The following SLC4A7 variants were observed in gnomAD, a reference collection of about 807,000 sequenced individuals.
SLC4A7 encodes the protein sodium bicarbonate cotransporter 3.
A neutral mutation model predicts 137.6 loss-of-function variants in SLC4A7; 51 were observed. The ratio of observed to expected loss-of-function variants is 0.37; its 90% CI spans 0.30 to 0.47. The LOEUF (loss-of-function observed/expected upper bound fraction) is 0.47, where lower values mean the gene tolerates loss of function less well. Among genes scored for constraint, SLC4A7 ranks in the 20% least tolerant of loss-of-function variants. The pLI is 1.00. For synonymous variants in SLC4A7, 542 were observed against 518.6 expected (o/e 1.05, Z -0.61); for missense variants, 1,247 against 1,525.4 (o/e 0.82, Z 3.04).
chr3:27,380,557 T>A (rs994576527), intron 24 of SLC4A7, among the ~76,000 whole-genome samples: 3 of 152,100 alleles, frequency 2.0e-5, no homozygotes, highest in Non-Finnish European at 4.4e-5. Flanking sequence ...AAGATACAAA[T>A]ACAAATGTCA....
rs959213482 is a variant in SLC4A7, at chr3:27,398,211, T to C, written c.2570A>G (p.Lys857Arg). The change falls in exon 17 of 26, where the codon AAG becomes AGG. Residue 857 changes from lysine to arginine, a missense_variant. Transcript: ENST00000454389. ...LSSFLKQFKT[K>R]RYFPTKVRST... ...AGTTACCTTGGTAGGAAAGTAACGC[T>C]TGGTCTTAAATTGCTTGAGGAATGA... 4.3e-6 allele frequency: 7 copies of C among 1,610,994 alleles called. No individual in the cohort carries two copies. In the Admixed American group the frequency reaches 5.1e-5, roughly 12 times the overall value.
chr3:27,449,643 T>C (rs1472247349), intron 2 of SLC4A7, among the ~76,000 whole-genome samples: 2 of 152,062 alleles, frequency 1.3e-5, no homozygotes, highest in South Asian at 4.1e-4. Flanking sequence ...AATAACAAAA[T>C]AGTTATGAAA....
chr3:27,472,377 C>T (rs1417379547), intron 1 of SLC4A7, among the ~76,000 whole-genome samples: 2 of 152,130 alleles, frequency 1.3e-5, no homozygotes, highest in African/African-American at 4.8e-5. Flanking sequence ...CACCCGAGGT[C>T]AGAAGTTCAA....
At chr3:27,477,462 G>A (rs977608626) in intron 1 of SLC4A7, among the ~76,000 whole-genome samples, 1 of 152,178 alleles carries the variant, frequency 6.6e-6, no homozygotes, top group African/African-American at 2.4e-5. Flanking sequence ...TGAACCCACG[G>A]TTGATACCAA....
chr3:27,396,514 T>C (rs1302215586), intron 18 of SLC4A7, among the ~76,000 whole-genome samples: 1 of 152,106 alleles, frequency 6.6e-6, no homozygotes, highest in Admixed American at 6.5e-5. Flanking sequence ...AATATTTTCA[T>C]ATTTTTACAT....
At chr3:27,472,859 C>A (rs2059306723) in intron 1 of SLC4A7, among the ~76,000 whole-genome samples, 2 of 152,164 alleles carry the variant, frequency 1.3e-5, no homozygotes, top group Non-Finnish European at 2.9e-5. Context: ...GCGGGCAGAT[C>A]ACCTGAGGTT....
At position 27,481,251 on chromosome 3, in the gene SLC4A7, C is replaced by A. The variant is rs572897268; in HGVS notation, c.60+2816G>T. On this transcript the variant is annotated intron_variant, in intron 1 of 25. Coordinates refer to ENST00000454389, the MANE Select transcript of SLC4A7 (RefSeq NM_001321103.2). ...TATAGCAAAAGCAAAAGACAAGTTA[C>A]ATTTTTTCAAGATTAATGACTTTCC... 2.2e-5 allele frequency among the ~76,000 whole-genome samples: 3 copies of A among 133,876 alleles called. No individual in the cohort carries two copies. In the South Asian group the frequency reaches 7.6e-4, roughly 34 times the overall value. The allele number at this position is 133,876 out of a possible 152,430, so 87.8% of individuals were successfully genotyped here.
chr3:27,474,636 G>A (rs1285790341), intron 1 of SLC4A7, among the ~76,000 whole-genome samples: 1 of 151,808 alleles, frequency 6.6e-6, no homozygotes. Context: ...ACTTGAACCC[G>A]GGAGGCAAAT....
chr3:27,399,508 C>T (rs760179757), intron 16 of SLC4A7, among the ~76,000 whole-genome samples: 3 of 152,110 alleles, frequency 2.0e-5, no homozygotes, highest in Non-Finnish European at 2.9e-5. Flanking sequence ...TATCACAGCT[C>T]ACTGTAATCT....
In SLC4A7 at chr3:27,390,033, C is replaced by T; in HGVS notation, c.3258G>A (p.Val1086=). ...TGAAAATATGGACCTTCCAGAGCGG[C>T]ACATAACGGAGGTATATCAAATCAG... ...HQPDLIYLRY[V]PLWKVHIFTV... is the part of the protein sequence containing the mutation. The change falls in exon 22 of 26, where the codon GTG becomes GTA. Residue 1086 remains valine (V), a synonymous_variant. Transcript: ENST00000454389. 1 of 1,612,624 alleles carries T rather than the reference C, an allele frequency of 6.2e-7. No homozygotes were observed. The highest frequency in any genetic ancestry group is 8.5e-7 in the Non-Finnish European group (1 of 1,178,780).
At chr3:27,379,966 C>T (rs12631829) in intron 24 of SLC4A7, among the ~76,000 whole-genome samples, 43,807 of 152,048 alleles carry the variant, frequency 0.29, 8,026 homozygotes, top group East Asian at 0.74. Flanking sequence ...CTGTTATTCA[C>T]ATATTTAGTG....
chr3:27,480,704 T>A (rs1161477476), intron 1 of SLC4A7, among the ~76,000 whole-genome samples: 1 of 152,118 alleles, frequency 6.6e-6, no homozygotes, highest in African/African-American at 2.4e-5. Context: ...AATGCCTACT[T>A]ACAGACCCAC....
Position 27,431,380 on chromosome 3 carries a change from TA to T in SLC4A7, c.1067del (p.Val356GlufsTer9). ...SPASDDIPTV[V>X]IHPPEEDLEA... Reference sequence around the variant, plus strand: ...CTAAGTCTTCCTCAGGCGGATGAATTACTACTGTGGGAATATCATCACTGGC... The same window carrying T: ...CTAAGTCTTCCTCAGGCGGATGAATTCTACTGTGGGAATATCATCACTGGC... On this transcript the variant is annotated frameshift_variant, in exon 7 of 26. Transcript: ENST00000454389. LOFTEE classifies it high-confidence loss of function. The T allele has an allele frequency of 6.2e-7, 1 of 1,613,932 alleles. No homozygotes were observed. Among genetic ancestry groups the T allele is most frequent in the Non-Finnish European group, 8.5e-7 (1 of 1,179,850 alleles).
chr3:27,392,621 T>A (rs1055865024), intron 20 of SLC4A7, among the ~76,000 whole-genome samples: 2 of 152,036 alleles, frequency 1.3e-5, no homozygotes, highest in African/African-American at 2.4e-5. Flanking sequence ...CGGCCATAAG[T>A]TCGAGACCAA....
intron 13 of SLC4A7, among the ~76,000 whole-genome samples, chr3:27,408,016 A>G (rs2053550663): frequency 1.3e-5 from 2 of 152,120 alleles, no homozygotes; most frequent in African/African-American, 4.8e-5. Flanking sequence ...TTCTTCTATA[A>G]TATTTCTGCT....
chr3:27,437,162 C>T (rs897687624), intron 4 of SLC4A7, among the ~76,000 whole-genome samples: 6 of 152,054 alleles, frequency 3.9e-5, no homozygotes, highest in African/African-American at 7.2e-5. Flanking sequence ...ACCAGCCTCG[C>T]CAACTTGGTG....
Position 27,431,458 on chromosome 3 carries a change from G to A in SLC4A7, c.990C>T (p.Ser330=), listed in dbSNP as rs1357280739. Residue 330 remains serine, a synonymous_variant, in exon 7 of 26, where the codon TCC becomes TCT. Transcript: ENST00000454389. The part of the protein sequence containing the change: ...PSSPSISRLT[S]RSSQESQRQA... ...GACGCTGACTCTCTTGGGAACTTCT[G>A]GAGGTCAGGCGGCTGATGCTAGGGC... 1 of 1,614,130 alleles carries A rather than the reference G, an allele frequency of 6.2e-7. No individual in the cohort carries two copies.
intron 3 of SLC4A7, among the ~76,000 whole-genome samples, chr3:27,443,034 T>C (rs1168281805): frequency 3.6e-5 from 5 of 138,626 alleles, no homozygotes; most frequent in East Asian, 4.1e-4. Flanking sequence ...CTTTTTTTCT[T>C]TTTTTTTTTT....
At chr3:27,406,477 T>C (rs1409100034) in intron 13 of SLC4A7, among the ~76,000 whole-genome samples, 1 of 152,174 alleles carries the variant, frequency 6.6e-6, no homozygotes, top group East Asian at 1.9e-4. Context: ...AGGAGAAGTG[T>C]CCGTGTTAAT....
Sources: allele counts gnomAD v4.1 joint callset (sites outside exome capture counted in the v4.1 genomes callset), GRCh38; gene constraint gnomAD v4.1.1; transcripts MANE v1.5; gene names NCBI Gene and HGNC (gene_info 2026-07-23, HGNC 2026-07-21).